Variants in CBFA2T3 observed in about 807,000 individuals in gnomAD.
CBFA2T3 encodes CBFA2/RUNX1 partner transcriptional co-repressor 3, also known as transcriptional corepressor CBFA2T3.
CBFA2T3 carries 31 observed loss-of-function variants against 58.6 expected under a neutral mutation model. The observed-to-expected ratio is 0.53, with a 90% confidence interval of 0.40 to 0.71. The LOEUF (loss-of-function observed/expected upper bound fraction) is 0.71, where lower values mean the gene tolerates loss of function less well. Ranked by LOEUF, CBFA2T3 falls within the 30% of genes least tolerant of loss-of-function variation. The probability of loss-of-function intolerance (pLI) is 0.00; values close to 1 mark genes in which losing one functional copy is unlikely to be tolerated. For missense variants in CBFA2T3, 1,076 were observed against 963.1 expected, an observed-to-expected ratio of 1.12 and a Z score of -1.55; for synonymous variants, 531 against 421.9, an observed-to-expected ratio of 1.26 and a Z score of -3.17.
intron 1 of CBFA2T3, among the ~76,000 whole-genome samples, chr16:88,920,412 G>A (rs900952363): frequency 2.7e-4 from 41 of 151,968 alleles, no homozygotes; most frequent in African/African-American, 9.9e-4. Flanking sequence ...GAGTAGCTGA[G>A]GTTACAGGTG....
At chr16:88,971,320 G>C (rs1046486913) in intron 1 of CBFA2T3, among the ~76,000 whole-genome samples, 3 of 152,224 alleles carry the variant, frequency 2.0e-5, no homozygotes, top group African/African-American at 7.2e-5. Flanking sequence ...ATGTTGGCCA[G>C]ACTGGTCTCG....
intron 2 of CBFA2T3, among the ~76,000 whole-genome samples, chr16:88,900,742 G>A (rs116833147): frequency 6.6e-6 from 1 of 152,224 alleles, no homozygotes; most frequent in Non-Finnish European, 1.5e-5. Context: ...CACCCCGCCG[G>A]CCCAGCAACT....
At chr16:88,925,835 C>T (rs887320192) in intron 1 of CBFA2T3, among the ~76,000 whole-genome samples, 3 of 152,210 alleles carry the variant, frequency 2.0e-5, no homozygotes, top group South Asian at 2.1e-4. Flanking sequence ...TAGGGAGCCC[C>T]GGTACCAAGG....
Position 88,976,776 on chromosome 16 carries a change from G to T in CBFA2T3, c.32C>A (p.Ala11Asp). The T allele has an allele frequency of 6.4e-7, 1 of 1,556,266 alleles. No homozygotes were observed. The change falls in exon 1 of 12, where the codon GCC becomes GAC. Residue 11 changes from alanine (A) to aspartate (D), a missense_variant. Physicochemically the swap from Ala to Asp is moderately radical, Grantham distance 126. Coordinates refer to ENST00000268679, the MANE Select transcript of CBFA2T3 (RefSeq NM_005187.6). ...ACAGGTGGATCCCGAGGCTGAACTG[G>T]CTGCCCTGTCCCTCAGTCTTGAAGC... MPASRLRDRA[A>D]SSASGSTCGS... is the part of the protein sequence containing the mutation.
intron 1 of CBFA2T3, among the ~76,000 whole-genome samples, chr16:88,973,284 T>C (rs1055953521): frequency 1.3e-5 from 2 of 152,022 alleles, no homozygotes; most frequent in African/African-American, 4.8e-5. Context: ...GAGGAAGATT[T>C]GGGAGGGAGG....
In CBFA2T3 at chr16:88,958,844, C is replaced by T. The variant is rs1216122850; in HGVS notation, c.151+17813G>A. Among the ~76,000 whole-genome samples the T allele has an allele frequency of 6.6e-6, 1 of 152,134 alleles. No homozygotes were observed. Among genetic ancestry groups the T allele is most frequent in the East Asian group, 1.9e-4 (1 of 5,186 alleles). On this transcript the variant is annotated intron_variant, in intron 1 of 11. Transcript: ENST00000268679. The surrounding 1 kb of genome is among the most constrained non-coding windows in gnomAD (Gnocchi z 4.0). Reference sequence around the variant, plus strand: ...CCGTGGGCAGCTCTCACACCACAGGCCTGGCTCCCTAGGGGTATGGTCAGA... The same window carrying T: ...CCGTGGGCAGCTCTCACACCACAGGTCTGGCTCCCTAGGGGTATGGTCAGA...
chr16:88,906,993 C>A (rs1321997739), intron 1 of CBFA2T3, among the ~76,000 whole-genome samples: 1 of 151,298 alleles, frequency 6.6e-6, no homozygotes, highest in Non-Finnish European at 1.5e-5. Flanking sequence ...CATACAGGGT[C>A]TGGGGTAGCA....
intron 1 of CBFA2T3, among the ~76,000 whole-genome samples, chr16:88,906,275 C>G (rs1231414145): frequency 6.6e-6 from 1 of 152,128 alleles, no homozygotes; most frequent in Non-Finnish European, 1.5e-5. Flanking sequence ...ACCCCATTCC[C>G]CTTTGAGGCC....
At chr16:88,935,287 AGGCTGT>A (rs1390065769) in intron 1 of CBFA2T3, among the ~76,000 whole-genome samples, 1 of 152,170 alleles carries the variant, frequency 6.6e-6, no homozygotes, top group Non-Finnish European at 1.5e-5. Flanking sequence ...GGGCTGGACT[AGGCTGT>A]GGAGCCCTGG....
At chr16:88,879,182 T>G (rs1044085145) in intron 11 of CBFA2T3, 88 bp downstream of exon 11, 29 of 1,191,320 alleles carry the variant, frequency 2.4e-5, no homozygotes, top group Non-Finnish European at 2.6e-5. Flanking sequence ...TGATGCCACG[T>G]GGAGGCTCAG....
intron 5 of CBFA2T3, among the ~76,000 whole-genome samples, chr16:88,890,257 C>T (rs540233161): frequency 6.6e-6 from 1 of 152,302 alleles, no homozygotes; most frequent in African/African-American, 2.4e-5. Flanking sequence ...CCTCAACAGC[C>T]TGAGGATGAT....
intron 1 of CBFA2T3, chr16:88,938,111 T>A (rs1246711644): frequency 2.0e-5 from 3 of 152,310 alleles, no homozygotes; most frequent in Admixed American, 1.3e-4. Flanking sequence ...TGGGGCTCCA[T>A]GACCCAGGCA....
intron 5 of CBFA2T3, 39 bp from the exon 6 acceptor site, chr16:88,886,181 G>GCT: frequency 6.9e-7 from 1 of 1,451,618 alleles, no homozygotes; most frequent in Non-Finnish European, 9.1e-7. Context: ...AGCATGCAGG[G>GCT]GTGCACAGCC....
intron 1 of CBFA2T3, among the ~76,000 whole-genome samples, chr16:88,946,981 G>A (rs1040680036): frequency 2.0e-5 from 3 of 152,166 alleles, no homozygotes; most frequent in Admixed American, 6.6e-5. Context: ...GGATTTTTAG[G>A]GCAGTGACAC....
chr16:88,881,870 C>G (rs1969098251), intron 8 of CBFA2T3, among the ~76,000 whole-genome samples: 2 of 152,238 alleles, frequency 1.3e-5, no homozygotes, highest in African/African-American at 4.8e-5. Context: ...GGCCCCATGC[C>G]TGGCGACCCC....
intron 5 of CBFA2T3, among the ~76,000 whole-genome samples, chr16:88,891,004 G>C (rs1210899030): frequency 6.6e-6 from 1 of 152,152 alleles, no homozygotes; most frequent in Non-Finnish European, 1.5e-5. Flanking sequence ...TGATTCAGCA[G>C]GTTTGGGCCG....
intron 1 of CBFA2T3, among the ~76,000 whole-genome samples, chr16:88,922,067 G>C (rs543910152): frequency 6.6e-6 from 1 of 152,244 alleles, no homozygotes; most frequent in Non-Finnish European, 1.5e-5. Flanking sequence ...GGCTGGTGTC[G>C]ATGCCACCAA....
At chr16:88,940,559 C>G (rs542472595) in intron 1 of CBFA2T3, among the ~76,000 whole-genome samples, 24 of 152,324 alleles carry the variant, frequency 1.6e-4, no homozygotes, top group African/African-American at 5.8e-4. Flanking sequence ...ACCCCCAGCG[C>G]GGACCACCTT....
At position 88,885,125 on chromosome 16, in the gene CBFA2T3, G is replaced by A. The variant is rs749788456; in HGVS notation, c.1038C>T (p.Asp346=). The A allele has an allele frequency of 1.2e-6, 2 of 1,602,478 alleles. No individual in the cohort carries two copies. The highest frequency in any genetic ancestry group is 2.2e-5 in the East Asian group (1 of 44,678). Residue 346 remains aspartate, a synonymous_variant, in exon 7 of 12, where the codon GAC becomes GAT. Transcript: ENST00000268679. This position sits in a 1 kb window ranked among gnomAD's most constrained non-coding sequence, Gnocchi z 5.3. ...PTPPPHYRLE[D]IAMAHHFRDA... ...CTCGGAAGTGGTGGGCCATGGCTAT[G>A]TCCTCCAGGCGGTAGTGCGGCGGCG... is the stretch of plus-strand genomic sequence containing the variant.
Sources: allele counts gnomAD v4.1 joint callset (sites outside exome capture counted in the v4.1 genomes callset), GRCh38; gene constraint gnomAD v4.1.1; non-coding constraint Gnocchi (gnomAD v3.1); transcripts MANE v1.5; gene names NCBI Gene and HGNC (gene_info 2026-07-23, HGNC 2026-07-21).